The following MYO15B variants were observed in gnomAD, a reference collection of about 807,000 sequenced individuals.
The protein encoded by MYO15B is myosin XVB.
MYO15B carries 207 observed loss-of-function variants against 119.3 expected under a neutral mutation model. The ratio of observed to expected loss-of-function variants is 1.73; its 90% CI spans 1.55 to 1.95. The LOEUF (loss-of-function observed/expected upper bound fraction) is 1.95. Ranked by LOEUF, MYO15B falls within the 30% of genes most tolerant of loss-of-function variation. MYO15B has a pLI of 0.00. For synonymous variants in MYO15B, 966 were observed against 498.9 expected, an observed-to-expected ratio of 1.94 and a Z score of -12.48; for missense variants, 2,264 against 1,203.1, an observed-to-expected ratio of 1.88 and a Z score of -13.04.
At chr17:75,588,737 C>G in exon 1 of MYO15B, 5 of 398,870 alleles carry the variant, frequency 1.3e-5, no homozygotes, top group Non-Finnish European at 2.2e-5. Context: ...TCGTCGGGGA[C>G]GGGGCCCCTG....
chr17:75,613,347 G>T (rs373339967), exon 28 of MYO15B: 6 of 675,872 alleles, frequency 8.9e-6, no homozygotes, highest in Non-Finnish European at 1.3e-5. Context: ...AGCACAAGCT[G>T]CTGGGGGCCT....
At chr17:75,625,632 C>T (rs1319926522) in exon 61 of MYO15B, 26 of 702,914 alleles carry the variant, frequency 3.7e-5, no homozygotes, top group South Asian at 5.9e-5. Context: ...AAGGACACAG[C>T]CCCCAGGAAG....
chr17:75,588,859 G>A, exon 1 of MYO15B: 1 of 398,474 alleles, frequency 2.5e-6, no homozygotes, highest in Admixed American at 4.4e-5. Context: ...CAGCTCGCGG[G>A]CTCCTCGGGA....
chr17:75,622,508 G>A (rs963864128), intron 53 of MYO15B, among the ~76,000 whole-genome samples: 6 of 152,176 alleles, frequency 3.9e-5, no homozygotes, highest in Non-Finnish European at 7.4e-5. Flanking sequence ...GATGGGGAGC[G>A]GATGGTGGGT....
chr17:75,601,455 C>A (rs919838845), exon 15 of MYO15B: 3 of 702,962 alleles, frequency 4.3e-6, no homozygotes, highest in South Asian at 1.5e-5. Context: ...ACCACACCTT[C>A]CTCCAGAAGA....
chr17:75,620,041 G>C, intron 47 of MYO15B, 21 bp downstream of exon 47: 1 of 692,864 alleles, frequency 1.4e-6, no homozygotes, highest in Middle Eastern at 2.3e-4. Flanking sequence ...GGCACGGGTT[G>C]AGAGGCCGGG....
Position 75,624,162 on chromosome 17 carries a change from G to A in MYO15B, c.8273-13G>A, listed in dbSNP as rs1439961906. 1.4e-6 allele frequency: 1 copy of A among 702,774 alleles called. No individual in the cohort carries two copies. The highest frequency in any genetic ancestry group is 2.6e-6 in the Non-Finnish European group (1 of 384,926). 43.5% of individuals were successfully genotyped at this position (702,774 alleles called of 1,614,324 possible). A position where few individuals can be genotyped will look rare whatever the true frequency, so the allele number is the denominator to read the frequency against. On this transcript the variant is annotated splice_polypyrimidine_tract_variant and intron_variant, in intron 55 of 63. Transcript: ENST00000645453. ...CATGGCCATCTCATAACCCCAGGCTGGCTTCTCTGCAGAGCTGGCCCGGAG... is the reference window on the plus strand; with the variant it reads ...CATGGCCATCTCATAACCCCAGGCTAGCTTCTCTGCAGAGCTGGCCCGGAG...
chr17:75,626,502 G>A lies in MYO15B; in HGVS notation c.*18G>A, dbSNP rs1376971693. Reference sequence around the variant, plus strand: ...TCAACTGAGAGGAGTGCAGGCCGGGGAGAGAAGAGGATGAGGCCTCCCCCG... The same window carrying A: ...TCAACTGAGAGGAGTGCAGGCCGGGAAGAGAAGAGGATGAGGCCTCCCCCG... On this transcript the variant is annotated 3_prime_UTR_variant, in exon 64 of 64. Coordinates refer to ENST00000645453, the Ensembl canonical transcript of MYO15B. 5.7e-6 allele frequency: 4 copies of A among 703,106 alleles called. No homozygotes were observed. In the East Asian group the frequency reaches 8.0e-5, roughly 14 times the overall value. 43.6% of individuals were successfully genotyped at this position (703,106 alleles called of 1,614,324 possible).
exon 60 of MYO15B, chr17:75,625,134 C>T: frequency 1.4e-6 from 1 of 698,330 alleles, no homozygotes. Flanking sequence ...TGCTGTGGGA[C>T]TACCTTCAGG....
At position 75,608,439 on chromosome 17, in the gene MYO15B, A is replaced by C. The variant is rs969887416; in HGVS notation, c.4293-1727A>C. Among the ~76,000 whole-genome samples the C allele has an allele frequency of 1.5e-4, 23 of 151,932 alleles. 1 individual carries two copies. Among genetic ancestry groups the C allele is most frequent in the African/African-American group, 5.5e-4 (23 of 41,490 alleles). On this transcript the variant is annotated intron_variant, in intron 21 of 63. Coordinates refer to ENST00000645453, the Ensembl canonical transcript of MYO15B. ...CACCCGGCCTTTATTTTTTATAATT[A>C]TTATTTTTTATTAAAAAAATTTTTT...
chr17:75,612,925 G>C (rs1197215984), intron 26 of MYO15B, 32 bp downstream of exon 26: 3 of 694,364 alleles, frequency 4.3e-6, no homozygotes, highest in African/African-American at 3.5e-5. Flanking sequence ...GGACAGGATA[G>C]GCGCCTGGGA....
At chr17:75,614,397 C>G in intron 30 of MYO15B, 37 bp downstream of exon 30, 1 of 694,710 alleles carries the variant, frequency 1.4e-6, no homozygotes, top group Non-Finnish European at 2.6e-6. Context: ...CTGGCCTGCT[C>G]CTGCCGGGGA....
intron 44 of MYO15B, 55 bp from the exon 45 acceptor site, chr17:75,619,303 C>T (rs2058562757): frequency 2.8e-6 from 2 of 702,152 alleles, no homozygotes; most frequent in African/African-American, 3.5e-5. Context: ...TGGGAGCAAA[C>T]TCTAGAGCCC....
chr17:75,618,286 G>A (rs1250123101), intron 43 of MYO15B, 101 bp downstream of exon 43: 1 of 674,286 alleles, frequency 1.5e-6, no homozygotes, highest in Non-Finnish European at 2.7e-6. Context: ...CGTAGGGCAT[G>A]TTGGCAGCCA....
rs940516580 is a variant in MYO15B, at chr17:75,592,549, G to C, written c.2829+8G>C. On this transcript the variant is annotated splice_region_variant and intron_variant, in intron 8 of 63. Transcript: ENST00000645453. ...TACTACTACCTCAACCAGGTCGGGG[G>C]AGCCCTTGTGGTGCGGCGGGGAGGC... is the stretch of plus-strand genomic sequence containing the variant. 5 of 610,842 alleles carry C rather than the reference G, an allele frequency of 8.2e-6. No individual in the cohort carries two copies. The allele number at this position is 610,842 out of a possible 1,614,324, so 37.8% of individuals were successfully genotyped here.
intron 41 of MYO15B, 34 bp from the exon 42 acceptor site, chr17:75,617,776 T>G: frequency 1.5e-6 from 1 of 688,444 alleles, no homozygotes; most frequent in Non-Finnish European, 2.7e-6. Flanking sequence ...CTGCAGCCCC[T>G]CACTGAGGCT....
intron 23 of MYO15B, among the ~76,000 whole-genome samples, chr17:75,611,227 C>T (rs554018042): frequency 1.3e-5 from 2 of 151,844 alleles, no homozygotes; most frequent in Non-Finnish European, 2.9e-5. Flanking sequence ...ACTTTGAGGT[C>T]GAGGTGTGAG....
chr17:75,606,774 C>T (rs1203814890), intron 21 of MYO15B, among the ~76,000 whole-genome samples: 1 of 151,590 alleles, frequency 6.6e-6, no homozygotes, highest in East Asian at 1.9e-4. Context: ...TGCCCAGCTA[C>T]AGTCATCTTT....
chr17:75,617,461 A>G, intron 41 of MYO15B, 157 bp downstream of exon 41: 1 of 557,464 alleles, frequency 1.8e-6, no homozygotes, highest in African/African-American at 1.9e-5. Flanking sequence ...GGGGAGTCCC[A>G]GCTTCCGCGT....
Sources: allele counts gnomAD v4.1 joint callset (sites outside exome capture counted in the v4.1 genomes callset), GRCh38; gene constraint gnomAD v4.1.1; transcripts MANE v1.5; gene names NCBI Gene and HGNC (gene_info 2026-07-23, HGNC 2026-07-21).